Variants in KCNN3 observed in about 807,000 individuals in gnomAD.
KCNN3 encodes potassium calcium-activated channel subfamily N member 3, also known as small conductance calcium-activated potassium channel protein 3.
In KCNN3, 16 loss-of-function variants were observed where a neutral mutation model predicts 62.9. The observed-to-expected ratio is 0.25, with a 90% CI of 0.17 to 0.39. KCNN3 has a LOEUF of 0.39. KCNN3 is among the 10% of genes least tolerant of loss of function. The pLI is 1.00. For synonymous variants in KCNN3, 370 were observed against 389.2 expected (o/e 0.95, Z 0.58); for missense variants, 599 against 949.4 (o/e 0.63, Z 4.85).
intron 3 of KCNN3, among the ~76,000 whole-genome samples, chr1:154,747,871 C>T (rs1391016555): frequency 6.6e-6 from 1 of 152,196 alleles, no homozygotes; most frequent in African/African-American, 2.4e-5. Flanking sequence ...CCATGCTCCC[C>T]CACCTCCGAG....
At chr1:154,855,355 C>T (rs534131864) in intron 1 of KCNN3, among the ~76,000 whole-genome samples, 3 of 152,344 alleles carry the variant, frequency 2.0e-5, no homozygotes, top group African/African-American at 2.4e-5. Flanking sequence ...AGTCTACAGT[C>T]ATGTCCTAGG....
chr1:154,785,401 T>C (rs1466724267), intron 2 of KCNN3, among the ~76,000 whole-genome samples: 6 of 152,068 alleles, frequency 3.9e-5, no homozygotes, highest in African/African-American at 9.7e-5. Context: ...TGTTTGTTTT[T>C]TCCCCAACTG....
chr1:154,830,022 C>G (rs1273384596), intron 1 of KCNN3, among the ~76,000 whole-genome samples: 1 of 152,158 alleles, frequency 6.6e-6, no homozygotes, highest in Non-Finnish European at 1.5e-5. Flanking sequence ...AGCCCCATGC[C>G]TAGAACACTG....
At chr1:154,780,464 C>G (rs112684415) in intron 2 of KCNN3, among the ~76,000 whole-genome samples, 9,043 of 150,330 alleles carry the variant, frequency 0.06, 300 homozygotes, top group Non-Finnish European at 0.079. Context: ...TTTTTGTGTA[C>G]TGTTCTCTCT....
intron 3 of KCNN3, among the ~76,000 whole-genome samples, chr1:154,747,954 C>G (rs934711188): frequency 1.3e-5 from 2 of 152,190 alleles, no homozygotes; most frequent in South Asian, 2.1e-4. Context: ...AAAGCCGTCC[C>G]GGATCAAGTG....
chr1:154,854,194 C>T (rs1043770889), intron 1 of KCNN3, among the ~76,000 whole-genome samples: 5 of 152,106 alleles, frequency 3.3e-5, no homozygotes, highest in Non-Finnish European at 7.4e-5. Flanking sequence ...GAGATTGGGC[C>T]ACTGAACTCC....
chr1:154,790,945 G>A lies in KCNN3; in HGVS notation c.1030-18552C>T, dbSNP rs150567953. 1.7e-3 allele frequency among the ~76,000 whole-genome samples: 263 copies of A among 152,236 alleles called. 1 individual carries two copies. Among genetic ancestry groups the A allele is most frequent in the African/African-American group, 6.0e-3 (250 of 41,550 alleles). On this transcript the variant is annotated intron_variant, in intron 2 of 7. Coordinates refer to ENST00000271915, the MANE Select transcript of KCNN3 (RefSeq NM_002249.6). ...CTATATACTTAAAAATGGTTAGGAT[G>A]AGGCCAAGTGTGGTGGCTCACGCCT...
intron 1 of KCNN3, among the ~76,000 whole-genome samples, chr1:154,834,293 G>A (rs1360335862): frequency 1.3e-5 from 2 of 152,340 alleles, no homozygotes; most frequent in Admixed American, 6.5e-5. Context: ...GAGGAAGGCT[G>A]GAAGCCACAC....
intron 2 of KCNN3, among the ~76,000 whole-genome samples, chr1:154,775,979 T>C (rs1648774257): frequency 6.7e-6 from 1 of 150,074 alleles, no homozygotes; most frequent in Non-Finnish European, 1.5e-5. Context: ...GAGTAACAGA[T>C]TCCTTTGATT....
At chr1:154,815,356 C>T (rs1393936879) in intron 2 of KCNN3, among the ~76,000 whole-genome samples, 1 of 152,144 alleles carries the variant, frequency 6.6e-6, no homozygotes, top group Non-Finnish European at 1.5e-5. Context: ...ACGCTCTGGG[C>T]CAGCTTTGTC....
intron 2 of KCNN3, among the ~76,000 whole-genome samples, chr1:154,780,194 C>CTTTTTT (rs71077969): frequency 5.9e-5 from 6 of 102,066 alleles, no homozygotes; most frequent in Admixed American, 1.1e-4. Flanking sequence ...TTCTTTTTTT[C>CTTTTTT]TTTTTTTTTT....
At chr1:154,755,234 C>G (rs557407022) in intron 3 of KCNN3, among the ~76,000 whole-genome samples, 1 of 151,988 alleles carries the variant, frequency 6.6e-6, no homozygotes, top group Non-Finnish European at 1.5e-5. Context: ...ACTTGGGAAC[C>G]TGAAGTGGGA....
At chr1:154,723,010 G>A (rs1238386250) in intron 5 of KCNN3, among the ~76,000 whole-genome samples, 9 of 151,466 alleles carry the variant, frequency 5.9e-5, no homozygotes, top group South Asian at 2.1e-4. Flanking sequence ...GATTACAGGC[G>A]TGAGCCACCG....
intron 3 of KCNN3, among the ~76,000 whole-genome samples, chr1:154,743,250 G>T (rs10908430): frequency 0.49 from 74,556 of 151,648 alleles, 18,978 homozygotes; most frequent in East Asian, 0.78. Context: ...GATCAGCACC[G>T]CCCTCTCACC....
chr1:154,722,546 C>T (rs1700376766), intron 5 of KCNN3, among the ~76,000 whole-genome samples: 1 of 151,554 alleles, frequency 6.6e-6, no homozygotes, highest in Non-Finnish European at 1.5e-5. Context: ...TGCCACTACG[C>T]CCGGCTAATT....
intron 2 of KCNN3, among the ~76,000 whole-genome samples, chr1:154,804,006 G>A (rs1650060296): frequency 6.6e-6 from 1 of 152,184 alleles, no homozygotes; most frequent in Non-Finnish European, 1.5e-5. Context: ...ATTTTCCTTG[G>A]ATGTCCCTTT....
intron 7 of KCNN3, 104 bp downstream of exon 7, chr1:154,713,360 G>T: frequency 1.1e-6 from 1 of 890,474 alleles, no homozygotes; most frequent in Non-Finnish European, 1.9e-6. Context: ...TTGCTTGCCT[G>T]GTCCCGCGCT....
At chr1:154,734,236 T>C (rs1700661759) in intron 3 of KCNN3, among the ~76,000 whole-genome samples, 1 of 152,206 alleles carries the variant, frequency 6.6e-6, no homozygotes, top group Non-Finnish European at 1.5e-5. Context: ...GGGATCAGCC[T>C]GAACAACACA....
At chr1:154,831,877 G>A (rs778243639) in intron 1 of KCNN3, among the ~76,000 whole-genome samples, 5 of 151,978 alleles carry the variant, frequency 3.3e-5, no homozygotes, top group Non-Finnish European at 7.4e-5. Flanking sequence ...GCCTCTCCCT[G>A]GGACACACAC....
Sources: allele counts gnomAD v4.1 joint callset (sites outside exome capture counted in the v4.1 genomes callset), GRCh38; gene constraint gnomAD v4.1.1; transcripts MANE v1.5; gene names NCBI Gene and HGNC (gene_info 2026-07-23, HGNC 2026-07-21).